The following IFT140 variants were observed in gnomAD, a reference collection of about 807,000 sequenced individuals.
IFT140 encodes intraflagellar transport 140.
A neutral mutation model predicts 164.6 loss-of-function variants in IFT140; 133 were observed. The ratio of observed to expected loss-of-function variants is 0.81; its 90% CI spans 0.70 to 0.93. IFT140 has a LOEUF of 0.93. IFT140 is among the 40% of genes least tolerant of loss of function. The pLI is 0.00. For synonymous variants in IFT140, 860 were observed against 817.3 expected, an observed-to-expected ratio of 1.05 and a Z score of -0.89; for missense variants, 2,045 against 1,972.3, an observed-to-expected ratio of 1.04 and a Z score of -0.70.
chr16:1,586,397 A>T, intron 9 of IFT140, 122 bp from the exon 10 acceptor site: 1 of 896,426 alleles, frequency 1.1e-6, no homozygotes, highest in South Asian at 1.8e-5. Context: ...GTGCCTCTCC[A>T]CCTCATCCCT....
chr16:1,535,379 C>T (rs1051266201), intron 19 of IFT140, among the ~76,000 whole-genome samples: 4 of 152,192 alleles, frequency 2.6e-5, no homozygotes, highest in African/African-American at 4.8e-5. Context: ...TCAACAGTCA[C>T]GGCACAGGGA....
intron 9 of IFT140, among the ~76,000 whole-genome samples, chr16:1,586,996 C>T (rs1286618912): frequency 6.6e-6 from 1 of 152,234 alleles, no homozygotes; most frequent in Admixed American, 6.5e-5. Context: ...TGTCATGCTT[C>T]TAACCAAACC....
At chr16:1,546,947 T>C (rs1474143389) in intron 19 of IFT140, among the ~76,000 whole-genome samples, 1 of 152,218 alleles carries the variant, frequency 6.6e-6, no homozygotes, top group Non-Finnish European at 1.5e-5. Flanking sequence ...GTCAAGCCAG[T>C]GAAGTCCCCG....
chr16:1,589,597 C>T lies in IFT140; in HGVS notation c.810+8G>A. ...CCAGCGTGAGCCCCCAAGCCCACTC[C>T]CACTCACCTTCATCACTTCTTCTGC... On this transcript the variant is annotated splice_region_variant and intron_variant, in intron 7 of 30. Coordinates refer to ENST00000426508, the MANE Select transcript of IFT140 (RefSeq NM_014714.4). 6.2e-7 allele frequency: 1 copy of T among 1,612,000 alleles called. No individual in the cohort carries two copies. The highest frequency in any genetic ancestry group is 1.1e-5 in the South Asian group (1 of 91,012).
chr16:1,607,217 G>T lies in IFT140; in HGVS notation c.50C>A (p.Ser17Ter). The change falls in exon 3 of 31, where the codon TCA becomes TAA. Residue 17 changes from serine (S) to a stop codon, truncating the protein, a stop_gained. Coordinates refer to ENST00000426508, the MANE Select transcript of IFT140 (RefSeq NM_014714.4). LOFTEE classifies it high-confidence loss of function. Reference sequence around the variant, plus strand: ...AGGGTGCCAGCTGATAAATGAGGGTGACCCTGCTGCATCCGGGGCTTCTAT... The same window carrying T: ...AGGGTGCCAGCTGATAAATGAGGGTTACCCTGCTGCATCCGGGGCTTCTAT... ...HQIEAPDAAG[S>*]PSFISWHPVH... 6.2e-7 allele frequency: 1 copy of T among 1,614,138 alleles called. No individual in the cohort carries two copies. The highest frequency in any genetic ancestry group is 8.5e-7 in the Non-Finnish European group (1 of 1,180,008).
chr16:1,552,648 CTTTT>C (rs11409894), intron 19 of IFT140, among the ~76,000 whole-genome samples: 6 of 127,564 alleles, frequency 4.7e-5, no homozygotes, highest in Admixed American at 8.3e-5. Flanking sequence ...AAAGAGAATG[CTTTT>C]TTTTTTTTTT....
intron 19 of IFT140, among the ~76,000 whole-genome samples, chr16:1,528,502 C>T (rs928632207): frequency 6.6e-6 from 1 of 151,902 alleles, no homozygotes; most frequent in African/African-American, 2.4e-5. Context: ...CACATACACA[C>T]ACATGCAGGC....
intron 13 of IFT140, among the ~76,000 whole-genome samples, chr16:1,574,937 C>T (rs958598991): frequency 1.3e-5 from 2 of 152,226 alleles, no homozygotes; most frequent in Non-Finnish European, 2.9e-5. Flanking sequence ...CATGCATCTG[C>T]ATCCTGAGGA....
chr16:1,611,005 G>T (rs941915905), intron 1 of IFT140, among the ~76,000 whole-genome samples, 152 bp from the exon 2 acceptor site: 3 of 152,242 alleles, frequency 2.0e-5, no homozygotes, highest in African/African-American at 7.2e-5. Context: ...CGTGCATCCC[G>T]AGGCGGAGCC....
intron 6 of IFT140, 58 bp from the exon 7 acceptor site, chr16:1,589,838 C>G (rs2035083200): frequency 2.1e-6 from 3 of 1,439,058 alleles, no homozygotes. Flanking sequence ...GCTTCCATGA[C>G]CCTCACCAGC....
At chr16:1,598,125 A>C (rs6600156) in intron 4 of IFT140, among the ~76,000 whole-genome samples, 53,392 of 151,976 alleles carry the variant, frequency 0.35, 10,284 homozygotes, top group African/African-American at 0.51. Flanking sequence ...AGAAGGGAAC[A>C]ACCTGATAAA....
chr16:1,591,293 G>C (rs2035168367), intron 6 of IFT140, among the ~76,000 whole-genome samples: 1 of 152,060 alleles, frequency 6.6e-6, no homozygotes, highest in Non-Finnish European at 1.5e-5. Flanking sequence ...CCCCCTCCTT[G>C]CCATCTCACA....
At chr16:1,609,025 C>T (rs1001513673) in intron 2 of IFT140, among the ~76,000 whole-genome samples, 4 of 152,012 alleles carry the variant, frequency 2.6e-5, no homozygotes, top group Non-Finnish European at 5.9e-5. Context: ...TGTGGTGGTG[C>T]CTGCCTGTAA....
chr16:1,545,386 C>T (rs2032085440), intron 19 of IFT140, among the ~76,000 whole-genome samples: 1 of 152,234 alleles, frequency 6.6e-6, no homozygotes. Context: ...CCAACCATCA[C>T]CCCTAACGGG....
intron 10 of IFT140, among the ~76,000 whole-genome samples, chr16:1,585,396 GGC>G (rs2034814241): frequency 1.3e-5 from 2 of 152,178 alleles, no homozygotes. Flanking sequence ...GTAGATTAGT[GGC>G]TGCCAAGGGC....
chr16:1,597,889 T>C (rs1245423798), intron 4 of IFT140, among the ~76,000 whole-genome samples: 1 of 152,122 alleles, frequency 6.6e-6, no homozygotes, highest in Non-Finnish European at 1.5e-5. Flanking sequence ...CCCAAGTAGG[T>C]GGGACTACAG....
intron 20 of IFT140, 51 bp from the exon 21 acceptor site, chr16:1,526,128 TCAAA>T: frequency 6.7e-7 from 1 of 1,495,812 alleles, no homozygotes; most frequent in Non-Finnish European, 9.0e-7. Flanking sequence ...CACCCACGTC[TCAAA>T]CACACTGTTC....
intron 3 of IFT140, among the ~76,000 whole-genome samples, chr16:1,603,464 T>C (rs2035895011): frequency 6.6e-6 from 1 of 152,050 alleles, no homozygotes; most frequent in East Asian, 1.9e-4. Flanking sequence ...TGACAGCTTG[T>C]GAGATATGTG....
intron 4 of IFT140, among the ~76,000 whole-genome samples, chr16:1,594,705 C>T (rs894873265): frequency 2.6e-5 from 4 of 152,206 alleles, no homozygotes; most frequent in African/African-American, 4.8e-5. Flanking sequence ...AAGGGGAGGA[C>T]GGCTCCACAG....
Sources: allele counts gnomAD v4.1 joint callset (sites outside exome capture counted in the v4.1 genomes callset), GRCh38; gene constraint gnomAD v4.1.1; transcripts MANE v1.5; gene names NCBI Gene and HGNC (gene_info 2026-07-23, HGNC 2026-07-21).